CTSK: variants seen among roughly 807,000 people sequenced by gnomAD.
CTSK encodes cathepsin O.
CTSK carries 26 observed loss-of-function variants against 40.5 expected under a neutral mutation model. That is an observed-to-expected ratio of 0.64 (90% CI 0.47 to 0.89). The LOEUF (loss-of-function observed/expected upper bound fraction) is 0.89. Among genes scored for constraint, CTSK ranks in the 40% least tolerant of loss-of-function variants. The pLI, the probability that CTSK is intolerant of heterozygous loss-of-function variation, is 0.00. For synonymous variants in CTSK, 132 were observed against 143.2 expected, an observed-to-expected ratio of 0.92 and a Z score of 0.56; for missense variants, 292 against 400.1, an observed-to-expected ratio of 0.73 and a Z score of 2.30.
In CTSK at chr1:150,806,585, T is replaced by C. The variant is rs1654096553; in HGVS notation, c.120+101A>G. The C allele has an allele frequency of 2.0e-6, 3 of 1,504,188 alleles. No individual in the cohort carries two copies. The Admixed American group carries it at 5.0e-5, about 25-fold the overall frequency. The allele number at this position is 1,504,188 out of a possible 1,614,324, so 93.2% of individuals were successfully genotyped here. On this transcript the variant is annotated intron_variant, in intron 2 of 7. Transcript: ENST00000271651. ...AGTTAGGGAAGAGGGACTGATTTGC[T>C]TGGAATAAAGCATTTGGATTGAAGA...
Position 150,796,824 on chromosome 1 carries a change from T to C in CTSK, c.965A>G (p.Asn322Ser). The C allele has an allele frequency of 1.9e-6, 3 of 1,614,036 alleles. No homozygotes were observed. The highest frequency in any genetic ancestry group is 1.6e-4 in the Middle Eastern group (1 of 6,062). The change falls in exon 8 of 8, where the codon AAC becomes AGC. Residue 322 changes from asparagine to serine, a missense_variant. Asn to Ser is a conservative substitution (Grantham distance 46). Transcript: ENST00000271651. ...TCACATCTTGGGGAAGCTGGCCAGG[T>C]TGGCAATGCCACAGGCGTTGTTCTT... ...RNKNNACGIANLASFPKM is the reference protein window; with the variant it reads ...RNKNNACGIASLASFPKM
Position 150,804,479 on chromosome 1 carries a change from C to A in CTSK, c.400-240G>T, listed in dbSNP as rs758671147. 2.6e-5 allele frequency among the ~76,000 whole-genome samples: 4 copies of A among 152,296 alleles called. No homozygotes were observed. In the South Asian group the frequency reaches 8.3e-4, roughly 32 times the overall value. Reference sequence around the variant, plus strand: ...CAGTACCAGCTGTGGAGGCATTTGTCCTGGGTGCTAACCCTGACTTTGCCA... The same window carrying A: ...CAGTACCAGCTGTGGAGGCATTTGTACTGGGTGCTAACCCTGACTTTGCCA... On this transcript the variant is annotated intron_variant, in intron 4 of 7. Coordinates refer to ENST00000271651, the MANE Select transcript of CTSK (RefSeq NM_000396.4).
In CTSK at chr1:150,806,790, C is replaced by T. The variant is rs201086925; in HGVS notation, c.16G>A (p.Val6Ile). Residue 6 changes from valine (V) to isoleucine (I), a missense_variant, in exon 2 of 8, where the codon GTT becomes ATT. By Grantham distance (29) the Val-to-Ile change is conservative. Transcript: ENST00000271651. The part of the protein sequence containing the change: MWGLK[V>I]LLLPVVSFAL... ...AAGCTCACCACAGGTAGCAGCAGAA[C>T]CTTGAGCCCCCACATCCTGCAGAAG... is the stretch of plus-strand genomic sequence containing the variant. The T allele has an allele frequency of 5.0e-6, 8 of 1,613,986 alleles. No individual in the cohort carries two copies. The highest frequency in any genetic ancestry group is 6.8e-6 in the Non-Finnish European group (8 of 1,180,020).
intron 7 of CTSK, among the ~76,000 whole-genome samples, chr1:150,798,812 T>C (rs1653924148): frequency 6.6e-6 from 1 of 152,220 alleles, no homozygotes; most frequent in Non-Finnish European, 1.5e-5. Context: ...TTGCTCCCTC[T>C]CTCACTATGT....
rs79027279 is a variant in CTSK at position 150,805,638 on chromosome 1, CAAAAAAA to C, written c.399+216_399+222del. The stretch of plus-strand genomic sequence containing the variant: ...TGGGCGACAGAGTGAGACTCTATCT[CAAAAAAA>C]AAAAAAAAAAAAAAAAAAGGAAAAG... On this transcript the variant is annotated intron_variant, in intron 4 of 7. Transcript: ENST00000271651. 5.5e-3 allele frequency among the ~76,000 whole-genome samples: 303 copies of C among 54,974 alleles called. 2 individuals carry two copies. Among genetic ancestry groups the C allele is most frequent in the Middle Eastern group, 0.037 (3 of 80 alleles). The allele number at this position is 54,974 out of a possible 152,430, so 36.1% of individuals were successfully genotyped here.
At chr1:150,807,175 A>T (rs1237266730) in intron 1 of CTSK, 2 of 455,514 alleles carry the variant, frequency 4.4e-6, no homozygotes, top group East Asian at 1.3e-4. Context: ...GAATGGGCTC[A>T]GTGCGTTTCC....
Position 150,801,748 on chromosome 1 carries a change from C to T in CTSK, c.619-2039G>A, listed in dbSNP as rs1050437635. ...TAGAGACAGGGTTTCACCATGTTAGCCAGGATGGTCTTGATCTCCTGACCT... is the reference window on the plus strand; with the variant it reads ...TAGAGACAGGGTTTCACCATGTTAGTCAGGATGGTCTTGATCTCCTGACCT... On this transcript the variant is annotated intron_variant, in intron 5 of 7. Transcript: ENST00000271651. 3.3e-5 allele frequency among the ~76,000 whole-genome samples: 5 copies of T among 151,404 alleles called. No individual in the cohort carries two copies. In the South Asian group the frequency reaches 1.0e-3, roughly 32 times the overall value.
At chr1:150,805,481 A>G (rs1654068054) in intron 4 of CTSK, among the ~76,000 whole-genome samples, 1 of 151,736 alleles carries the variant, frequency 6.6e-6, no homozygotes, top group South Asian at 2.1e-4. Context: ...CTCTATAAAA[A>G]TAGAAAAATT....
chr1:150,806,911 A>G, intron 1 of CTSK, 105 bp from the exon 2 acceptor site: 1 of 1,381,546 alleles, frequency 7.2e-7, no homozygotes, highest in Non-Finnish European at 1.0e-6. Flanking sequence ...GGGTGATAAA[A>G]CAATGATAGT....
chr1:150,802,405 G>A (rs1475758511), intron 5 of CTSK, among the ~76,000 whole-genome samples: 1 of 151,768 alleles, frequency 6.6e-6, no homozygotes. Context: ...GCGAGACAAT[G>A]TCTCTACCAA....
intron 4 of CTSK, among the ~76,000 whole-genome samples, 184 bp downstream of exon 4, chr1:150,805,677 A>G (rs1329996323): frequency 2.0e-5 from 3 of 151,376 alleles, no homozygotes; most frequent in South Asian, 4.2e-4. Context: ...AAAGAAAAAG[A>G]AAAACCAGAA....
Position 150,806,668 on chromosome 1 carries a change from C to A in CTSK, c.120+18G>T. On this transcript the variant is annotated intron_variant, in intron 2 of 7. Transcript: ENST00000271651. ...GGTCTCAGCCTTCCTGCCATGCCCC[C>A]TCCAGGACCCCAGGCACCTTGTTGT... 6.2e-7 allele frequency: 1 copy of A among 1,613,670 alleles called. No homozygotes were observed. The highest frequency in any genetic ancestry group is 1.1e-5 in the South Asian group (1 of 91,042).
chr1:150,807,005 TTCTCTC>T (rs71659432), intron 1 of CTSK, among the ~76,000 whole-genome samples, 199 bp from the exon 2 acceptor site: 2 of 138,966 alleles, frequency 1.4e-5, no homozygotes, highest in Non-Finnish European at 3.1e-5. Context: ...ATTTCTCTCT[TTCTCTC>T]TCTCTCTCTC....
chr1:150,803,522 C>T (rs2101951066), intron 5 of CTSK, among the ~76,000 whole-genome samples: 1 of 152,278 alleles, frequency 6.6e-6, no homozygotes, highest in Non-Finnish European at 1.5e-5. Flanking sequence ...GATTTCCTTC[C>T]TATGACTAGA....
At chr1:150,799,439 C>T in intron 6 of CTSK, 105 bp downstream of exon 6, 1 of 1,406,806 alleles carries the variant, frequency 7.1e-7, no homozygotes, top group Non-Finnish European at 1.0e-6. Flanking sequence ...TGGCCACCTC[C>T]ATGTGAATAC....
rs1323200644 is a variant in CTSK, at chr1:150,796,583, A to C, written c.*216T>G. 1.6e-6 allele frequency: 1 copy of C among 634,010 alleles called. No homozygotes were observed. The highest frequency in any genetic ancestry group is 2.8e-6 in the Non-Finnish European group (1 of 352,018). 39.3% of individuals were successfully genotyped at this position (634,010 alleles called of 1,614,324 possible). On this transcript the variant is annotated 3_prime_UTR_variant, in exon 8 of 8. Transcript: ENST00000271651. ...GCCTAAGAGTACACAGCTGTCAGGG[A>C]AAGTCCTGATGGCCACAGTGAAAAA...
Position 150,801,561 on chromosome 1 carries a change from C to T in CTSK, c.619-1852G>A, listed in dbSNP as rs1280635418. ...AATTAACTTTTTTTTTTTTTTGAAACGCAGTCTTGCTCAGTTGCCCAGGCT... is the reference window on the plus strand; with the variant it reads ...AATTAACTTTTTTTTTTTTTTGAAATGCAGTCTTGCTCAGTTGCCCAGGCT... On this transcript the variant is annotated intron_variant, in intron 5 of 7. Transcript: ENST00000271651. Among the ~76,000 whole-genome samples, 15 of 143,828 alleles carry T rather than the reference C, an allele frequency of 1.0e-4. No individual in the cohort carries two copies. The East Asian group carries it at 1.4e-3, about 14-fold the overall frequency. The allele number at this position is 143,828 out of a possible 152,430, so 94.4% of individuals were successfully genotyped here. A position where few individuals can be genotyped will look rare whatever the true frequency, so the allele number is the denominator to read the frequency against.
In CTSK at chr1:150,797,762, G is replaced by A. The variant is rs587775236; in HGVS notation, c.891-864C>T. 5.3e-5 allele frequency among the ~76,000 whole-genome samples: 8 copies of A among 152,070 alleles called. No homozygotes were observed. The East Asian group carries it at 1.5e-3, about 29-fold the overall frequency. ...CCCCCAGTGTTCCTGATCCTGCCCG[G>A]GTGTGTCCTTTCTTCCTCCCAGCTC... is the stretch of plus-strand genomic sequence containing the variant. On this transcript the variant is annotated intron_variant, in intron 7 of 7. Coordinates refer to ENST00000271651, the MANE Select transcript of CTSK (RefSeq NM_000396.4).
intron 5 of CTSK, among the ~76,000 whole-genome samples, chr1:150,802,404 T>C (rs1259974729): frequency 6.6e-6 from 1 of 151,320 alleles, no homozygotes; most frequent in African/African-American, 2.4e-5. Flanking sequence ...AGCGAGACAA[T>C]GTCTCTACCA....
Sources: allele counts gnomAD v4.1 joint callset (sites outside exome capture counted in the v4.1 genomes callset), GRCh38; gene constraint gnomAD v4.1.1; transcripts MANE v1.5; gene names NCBI Gene and HGNC (gene_info 2026-07-23, HGNC 2026-07-21).